OPALIN: variants seen among roughly 807,000 people sequenced by gnomAD.
OPALIN encodes transmembrane protein 10.
Under a neutral mutation model 17.8 loss-of-function variants are expected in OPALIN, and 15 were observed. The observed-to-expected ratio is 0.84, with a 90% confidence interval of 0.56 to 1.29. OPALIN has a LOEUF of 1.29. Ranked by LOEUF, OPALIN falls within the 50% of genes most tolerant of loss-of-function variation. The pLI, the probability that OPALIN is intolerant of heterozygous loss-of-function variation, is 0.00. For missense variants in OPALIN, 170 were observed against 176.0 expected, an observed-to-expected ratio of 0.97 and a Z score of 0.19; for synonymous variants, 62 against 63.8, an observed-to-expected ratio of 0.97 and a Z score of 0.14.
At chr10:96,356,435 C>A (rs1462848389) in intron 1 of OPALIN, among the ~76,000 whole-genome samples, 4 of 152,216 alleles carry the variant, frequency 2.6e-5, no homozygotes, top group Non-Finnish European at 5.9e-5. Flanking sequence ...TCTCAAAACC[C>A]TCATTTTCCA....
intron 3 of OPALIN, among the ~76,000 whole-genome samples, chr10:96,350,944 A>G (rs1845555603): frequency 6.6e-6 from 1 of 152,096 alleles, no homozygotes; most frequent in Non-Finnish European, 1.5e-5. Context: ...AAAGTATATG[A>G]ATCACAAATA....
At chr10:96,346,665 ACCT>A (rs1845343517) in intron 5 of OPALIN, among the ~76,000 whole-genome samples, 1 of 152,100 alleles carries the variant, frequency 6.6e-6, no homozygotes, top group South Asian at 2.1e-4. Flanking sequence ...TTTTAGAAGA[ACCT>A]CATTAAGTTC....
Position 96,347,216 on chromosome 10 carries a change from C to T in OPALIN, c.249+1073G>A, listed in dbSNP as rs188146892. 9.2e-5 allele frequency among the ~76,000 whole-genome samples: 14 copies of T among 151,816 alleles called. 1 individual carries two copies. The highest frequency in any genetic ancestry group is 3.1e-4 in the African/African-American group (13 of 41,320). ...AAGTGATTCTCCTGCTTCAGCCCCC[C>T]ACGAAGTAGCTGGGATTACAGGCAC... On this transcript the variant is annotated intron_variant, in intron 5 of 5. Transcript: ENST00000371172.
chr10:96,351,687 G>T lies in OPALIN; in HGVS notation c.40-277C>A, dbSNP rs908479033. On this transcript the variant is annotated intron_variant, in intron 2 of 5. Coordinates refer to ENST00000371172, the MANE Select transcript of OPALIN (RefSeq NM_033207.5). ...GTGACACATTTTACAACTCAAAAGGGCTTCCTCCTGTCCCTAGTCAGCACA... is the reference window on the plus strand; with the variant it reads ...GTGACACATTTTACAACTCAAAAGGTCTTCCTCCTGTCCCTAGTCAGCACA... Among the ~76,000 whole-genome samples, 3 of 152,148 alleles carry T rather than the reference G, an allele frequency of 2.0e-5. No homozygotes were observed. In the East Asian group the frequency reaches 5.8e-4, roughly 29 times the overall value.
chr10:96,345,879 C>T lies in OPALIN; in HGVS notation c.*62G>A. 2 of 1,539,356 alleles carry T rather than the reference C, an allele frequency of 1.3e-6. No homozygotes were observed. The highest frequency in any genetic ancestry group is 2.4e-5 in the South Asian group (2 of 83,818). On this transcript the variant is annotated 3_prime_UTR_variant, in exon 6 of 6. Coordinates refer to ENST00000371172, the MANE Select transcript of OPALIN (RefSeq NM_033207.5). Reference sequence around the variant, plus strand: ...GCTTGGCATCTTTCCTCTCCAAGTACAAAACCCTGGGTTTTCAACCCTGTT... The same window carrying T: ...GCTTGGCATCTTTCCTCTCCAAGTATAAAACCCTGGGTTTTCAACCCTGTT...
At chr10:96,358,084 T>C (rs1203725919) in intron 1 of OPALIN, among the ~76,000 whole-genome samples, 1 of 150,146 alleles carries the variant, frequency 6.7e-6, no homozygotes, top group Non-Finnish European at 1.5e-5. Context: ...GAGACCAAGA[T>C]AGGTTTTTGC....
intron 1 of OPALIN, 22 bp from the exon 2 acceptor site, chr10:96,355,312 TA>T: frequency 1.2e-6 from 2 of 1,612,732 alleles, no homozygotes; most frequent in Non-Finnish European, 1.7e-6. Flanking sequence ...AAGTAAACAT[TA>T]AAGCTCCCAG....
In OPALIN at chr10:96,345,944, T is replaced by C; in HGVS notation, c.423A>G (p.Glu141=). ...GCTGCTCCTTGACTGAGCTGCATCA[T>C]TCCAGGCTCAGTCTGGGCACAAGCC... ...LWWLVPRLSL[E] is the part of the protein sequence containing the mutation. Residue 141 remains glutamate (E), a synonymous_variant, in exon 6 of 6, where the codon GAA becomes GAG. Coordinates refer to ENST00000371172, the MANE Select transcript of OPALIN (RefSeq NM_033207.5). 2 of 1,614,006 alleles carry C rather than the reference T, an allele frequency of 1.2e-6. No individual in the cohort carries two copies. The highest frequency in any genetic ancestry group is 1.7e-6 in the Non-Finnish European group (2 of 1,179,900).
intron 2 of OPALIN, 34 bp from the exon 3 acceptor site, chr10:96,351,444 C>G (rs757887255): frequency 2.1e-6 from 3 of 1,429,202 alleles, no homozygotes; most frequent in South Asian, 2.6e-5. Context: ...TGTAAAAGAA[C>G]AAAAAGTCTA....
rs61616596 is a variant in OPALIN, at chr10:96,358,186, TAAAAAAAAA to T, written c.3+699_3+707del. On this transcript the variant is annotated intron_variant, in intron 1 of 5. Transcript: ENST00000371172. ...CTACTCCTTTTAACAATGCTTTTTG[TAAAAAAAAA>T]AAAAAAAAAAAAAAAAAAAAATTCC... 4.7e-4 allele frequency among the ~76,000 whole-genome samples: 29 copies of T among 61,590 alleles called. 1 individual carries two copies. The highest frequency in any genetic ancestry group is 3.3e-3 in the South Asian group (3 of 910). The allele number at this position is 61,590 out of a possible 152,430, so 40.4% of individuals were successfully genotyped here. A position where few individuals can be genotyped will look rare whatever the true frequency, so the allele number is the denominator to read the frequency against.
chr10:96,357,272 G>C, intron 1 of OPALIN: 1 of 429,214 alleles, frequency 2.3e-6, no homozygotes, highest in South Asian at 9.6e-5. Flanking sequence ...GCAGCAACAA[G>C]TGGGCCATTG....
At position 96,358,839 on chromosome 10, in the gene OPALIN, T is replaced by C. The variant is rs1845911567; in HGVS notation, c.3+55A>G. 3 of 1,593,042 alleles carry C rather than the reference T, an allele frequency of 1.9e-6. No individual in the cohort carries two copies. The African/African-American group carries it at 4.0e-5, about 21-fold the overall frequency. On this transcript the variant is annotated intron_variant, in intron 1 of 5. Coordinates refer to ENST00000371172, the MANE Select transcript of OPALIN (RefSeq NM_033207.5). ...TGTACATTTAATTGAATTTGGAGGT[T>C]TTTTATAGTAAGAAATGAAAGTTCG...
intron 4 of OPALIN, among the ~76,000 whole-genome samples, chr10:96,348,937 T>C (rs943265195): frequency 5.3e-5 from 8 of 152,214 alleles, no homozygotes; most frequent in African/African-American, 1.9e-4. Flanking sequence ...CCTCTTAAAA[T>C]AGGGAGGGTA....
intron 5 of OPALIN, 123 bp downstream of exon 5, chr10:96,348,166 T>G (rs778702351): frequency 4.4e-6 from 2 of 451,452 alleles, no homozygotes; most frequent in African/African-American, 2.0e-5. Context: ...GTGCTTGAGC[T>G]TCCTCTTGGT....
intron 4 of OPALIN, 36 bp downstream of exon 4, chr10:96,349,671 G>T (rs201445887): frequency 6.3e-6 from 10 of 1,597,280 alleles, no homozygotes; most frequent in African/African-American, 1.3e-5. Flanking sequence ...ACTGGTGGCT[G>T]CCTATACATC....
intron 2 of OPALIN, among the ~76,000 whole-genome samples, chr10:96,354,169 A>G (rs1017833869): frequency 2.0e-5 from 3 of 152,114 alleles, no homozygotes; most frequent in Non-Finnish European, 4.4e-5. Context: ...GCTCAACCAT[A>G]GTAGTGCTAC....
intron 1 of OPALIN, 63 bp from the exon 2 acceptor site, chr10:96,355,353 C>A: frequency 2.1e-6 from 3 of 1,450,386 alleles, no homozygotes; most frequent in Non-Finnish European, 2.9e-6. Flanking sequence ...TCCTCACTTC[C>A]TCAAACTCAC....
chr10:96,351,375 T>C lies in OPALIN; in HGVS notation c.72+3A>G. ...ATTTTATAAATTTAAGTGATATAGT[T>C]ACCGTTTCTTTCCCACCTGTGACAG... is the stretch of plus-strand genomic sequence containing the variant. On this transcript the variant is annotated splice_donor_region_variant and intron_variant, in intron 3 of 5. Transcript: ENST00000371172. The C allele has an allele frequency of 1.3e-6, 2 of 1,506,512 alleles. No individual in the cohort carries two copies. The highest frequency in any genetic ancestry group is 1.8e-6 in the Non-Finnish European group (2 of 1,104,362). The allele number at this position is 1,506,512 out of a possible 1,614,324, so 93.3% of individuals were successfully genotyped here.
intron 1 of OPALIN, among the ~76,000 whole-genome samples, 185 bp downstream of exon 1, chr10:96,358,709 A>G (rs1845906104): frequency 6.6e-6 from 1 of 152,242 alleles, no homozygotes; most frequent in Non-Finnish European, 1.5e-5. Flanking sequence ...AAACCTTAAT[A>G]CCAAAATGAA....
Sources: gnomAD v4.1 joint callset for allele counts (sites outside exome capture counted in the v4.1 genomes callset) on GRCh38, gnomAD v4.1.1 for gene constraint, MANE v1.5 for transcripts, NCBI Gene and HGNC (gene_info 2026-07-23, HGNC 2026-07-21) for gene names.